The following FAM174B variants were observed in gnomAD, a reference collection of about 807,000 sequenced individuals.
The protein encoded by FAM174B is family with sequence similarity 174 member B.
Under a neutral mutation model 10.9 loss-of-function variants are expected in FAM174B, and 12 were observed. The observed-to-expected ratio is 1.10, with a 90% CI of 0.71 to 1.79. The LOEUF is 1.79. Among genes scored for constraint, FAM174B ranks in the 40% most tolerant of loss-of-function variants. The probability of loss-of-function intolerance (pLI) is 0.00; values close to 1 mark genes in which losing one functional copy is unlikely to be tolerated. For missense variants in FAM174B, 266 were observed against 233.3 expected, an observed-to-expected ratio of 1.14 and a Z score of -0.91; for synonymous variants, 132 against 115.8, an observed-to-expected ratio of 1.14 and a Z score of -0.90.
chr15:92,636,706 G>C (rs553878120), intron 1 of FAM174B, among the ~76,000 whole-genome samples: 23 of 152,284 alleles, frequency 1.5e-4, no homozygotes, highest in Admixed American at 1.4e-3. Context: ...TATGACCCCT[G>C]AGAGGGCCAG....
At chr15:92,621,139 T>C (rs2050716770) in intron 2 of FAM174B, among the ~76,000 whole-genome samples, 1 of 152,214 alleles carries the variant, frequency 6.6e-6, no homozygotes, top group South Asian at 2.1e-4. Flanking sequence ...ACTTACCCTC[T>C]AATGGTTTAG....
At chr15:92,632,548 C>T (rs192028475) in intron 1 of FAM174B, among the ~76,000 whole-genome samples, 57 of 152,294 alleles carry the variant, frequency 3.7e-4, no homozygotes, top group African/African-American at 1.3e-3. Context: ...CGCATTCTAT[C>T]ACCTAGGCTG....
chr15:92,632,572 C>T (rs2050826351), intron 1 of FAM174B, among the ~76,000 whole-genome samples: 1 of 152,136 alleles, frequency 6.6e-6, no homozygotes, highest in Admixed American at 6.5e-5. Flanking sequence ...TGCAGTGGTG[C>T]AATCATAGCT....
In FAM174B at chr15:92,654,799, A is replaced by AG. The variant is rs563903441; in HGVS notation, c.344+516_344+517insC. 1.7e-3 allele frequency among the ~76,000 whole-genome samples: 244 copies of AG among 146,952 alleles called. 1 individual carries two copies. The highest frequency in any genetic ancestry group is 3.4e-3 in the Middle Eastern group (1 of 292). On this transcript the variant is annotated intron_variant, in intron 1 of 2. Transcript: ENST00000327355. ...CTTCTTTCAGTAGCAAAAAAAAAAA[A>AG]AAGAAGAAGAAGAAGAAGAAGAAAA...
chr15:92,630,190 G>A (rs1449853890), intron 2 of FAM174B, 24 bp downstream of exon 2: 2 of 1,610,406 alleles, frequency 1.2e-6, no homozygotes, highest in East Asian at 2.2e-5. Flanking sequence ...AGCCCAGGAG[G>A]AAGCCTCTGT....
At chr15:92,624,899 C>G (rs72756104) in intron 2 of FAM174B, among the ~76,000 whole-genome samples, 1 of 152,350 alleles carries the variant, frequency 6.6e-6, no homozygotes, top group South Asian at 2.1e-4. Context: ...ACATCTGTCT[C>G]TTCCTGGAGG....
intron 1 of FAM174B, chr15:92,634,341 A>T (rs1596298553): frequency 1.3e-5 from 2 of 152,346 alleles, no homozygotes; most frequent in East Asian, 3.9e-4. Context: ...TCGTGTAGTC[A>T]TTGGCCCTGG....
At chr15:92,637,117 C>T (rs929951042) in intron 1 of FAM174B, among the ~76,000 whole-genome samples, 12 of 152,218 alleles carry the variant, frequency 7.9e-5, no homozygotes, top group African/African-American at 2.9e-4. Flanking sequence ...GAGCCTGGAG[C>T]CTGAGCCAAT....
rs1316160359 is a variant in FAM174B, at chr15:92,617,585, C to T, written c.*1871G>A. On this transcript the variant is annotated 3_prime_UTR_variant, in exon 3 of 3. Coordinates refer to ENST00000327355, the MANE Select transcript of FAM174B (RefSeq NM_207446.3). ...GGCAGATGGAGCCCGGGTGTTTCTG[C>T]GTAAGGCAGAGGAATCCAGCTTTTC... The T allele has an allele frequency of 2.3e-5, 14 of 610,724 alleles. No individual in the cohort carries two copies. The highest frequency in any genetic ancestry group is 4.0e-5 in the Non-Finnish European group (14 of 345,944). The allele number at this position is 610,724 out of a possible 1,614,324, so 37.8% of individuals were successfully genotyped here.
intron 1 of FAM174B, among the ~76,000 whole-genome samples, chr15:92,654,082 A>G (rs2141967447): frequency 6.6e-6 from 1 of 152,286 alleles, no homozygotes; most frequent in South Asian, 2.1e-4. Context: ...TGAGCGTGGG[A>G]CCATACTTCC....
In FAM174B at chr15:92,619,368, G is replaced by A. The variant is rs756129235; in HGVS notation, c.*88C>T. On this transcript the variant is annotated 3_prime_UTR_variant, in exon 3 of 3. Transcript: ENST00000327355. ...TCGTTTTGGTTTCAACACCTCCGAC[G>A]CAAGAGGGCTTCCAGGTCCAGTCCT... is the stretch of plus-strand genomic sequence containing the variant. 2.4e-5 allele frequency: 36 copies of A among 1,524,884 alleles called. No individual in the cohort carries two copies. Among genetic ancestry groups the A allele is most frequent in the African/African-American group, 6.8e-5 (5 of 73,024 alleles). 94.5% of individuals were successfully genotyped at this position (1,524,884 alleles called of 1,614,324 possible).
chr15:92,626,044 T>C (rs1312357961), intron 2 of FAM174B, among the ~76,000 whole-genome samples: 1 of 152,078 alleles, frequency 6.6e-6, no homozygotes, highest in Non-Finnish European at 1.5e-5. Context: ...AGATGACGTA[T>C]CTACACAGAA....
chr15:92,645,832 C>A (rs914265452), intron 1 of FAM174B, among the ~76,000 whole-genome samples: 4 of 152,094 alleles, frequency 2.6e-5, no homozygotes, highest in Admixed American at 1.3e-4. Flanking sequence ...ATCCCTGCCA[C>A]CCAGGTAGGG....
At chr15:92,631,381 T>TAA (rs2050812326) in intron 1 of FAM174B, among the ~76,000 whole-genome samples, 9 of 29,842 alleles carry the variant, frequency 3.0e-4, no homozygotes, top group African/African-American at 1.8e-3. Context: ...ATATAATATA[T>TAA]TATATATTAT....
chr15:92,627,332 GC>G (rs1334114801), intron 2 of FAM174B: 1 of 168,692 alleles, frequency 5.9e-6, no homozygotes, highest in Non-Finnish European at 1.5e-5. Flanking sequence ...CAGCAGCAAT[GC>G]CAATATGGCA....
At chr15:92,622,674 C>T (rs114183750) in intron 2 of FAM174B, among the ~76,000 whole-genome samples, 105 of 152,376 alleles carry the variant, frequency 6.9e-4, no homozygotes, top group African/African-American at 2.5e-3. Flanking sequence ...CGTCCCTTTG[C>T]CTGCACCTGC....
intron 1 of FAM174B, among the ~76,000 whole-genome samples, chr15:92,638,276 C>G (rs1235032735): frequency 2.6e-5 from 4 of 152,210 alleles, no homozygotes; most frequent in African/African-American, 9.6e-5. Context: ...AACCAAAACT[C>G]ATTTCTAACA....
chr15:92,652,556 C>G (rs1422409556), intron 1 of FAM174B, among the ~76,000 whole-genome samples: 1 of 152,084 alleles, frequency 6.6e-6, no homozygotes, highest in Non-Finnish European at 1.5e-5. Context: ...GGAGAATTGG[C>G]AGGGAGGGGT....
intron 1 of FAM174B, chr15:92,634,595 T>C (rs2050841053): frequency 6.6e-6 from 1 of 152,196 alleles, no homozygotes; most frequent in Non-Finnish European, 1.5e-5. Context: ...CTGTGGCCCA[T>C]GATGCTTTAA....
Sources: gnomAD v4.1 joint callset for allele counts (sites outside exome capture counted in the v4.1 genomes callset) on GRCh38, gnomAD v4.1.1 for gene constraint, MANE v1.5 for transcripts, NCBI Gene and HGNC (gene_info 2026-07-23, HGNC 2026-07-21) for gene names.